The following EYS variants were observed in gnomAD, a reference collection of about 807,000 sequenced individuals.
EYS encodes EGF-like photoreceptor maintenance factor.
In EYS, 250 loss-of-function variants were observed where a neutral mutation model predicts 282.1. The ratio of observed to expected loss-of-function variants is 0.89; its 90% confidence interval spans 0.80 to 0.98. EYS has a LOEUF of 0.98. Among genes scored for constraint, EYS ranks in the 50% least tolerant of loss-of-function variants. The probability of loss-of-function intolerance (pLI) is 0.00; values close to 1 mark genes in which losing one functional copy is unlikely to be tolerated. For missense variants in EYS, 4,016 were observed against 3,709.0 expected, an observed-to-expected ratio of 1.08 and a Z score of -2.15; for synonymous variants, 1,355 against 1,282.9, an observed-to-expected ratio of 1.06 and a Z score of -1.20.
rs1305678175 is a variant in EYS, at chr6:65,511,977, T to C, written c.-332-15984A>G. On this transcript the variant is annotated intron_variant, in intron 2 of 42. Coordinates refer to ENST00000503581, the MANE Select transcript of EYS (RefSeq NM_001142800.2). ...TCCAGCCTGGGTGATGCAGCAAAAC[T>C]CTGTCTCAAAAAAAAAAAAAAAAAA... Among the ~76,000 whole-genome samples the C allele has an allele frequency of 5.5e-3, 491 of 88,936 alleles. 4 individuals are homozygous for C. Among genetic ancestry groups the C allele is most frequent in the African/African-American group, 0.022 (466 of 20,776 alleles). The allele number at this position is 88,936 out of a possible 152,430, so 58.3% of individuals were successfully genotyped here. A position where few individuals can be genotyped will look rare whatever the true frequency, so the allele number is the denominator to read the frequency against.
chr6:63,864,922 G>A (rs986984009), intron 35 of EYS, among the ~76,000 whole-genome samples: 4 of 152,190 alleles, frequency 2.6e-5, no homozygotes, highest in Admixed American at 6.5e-5. Context: ...GCAGAGCTCA[G>A]GAAAAATACT....
intron 29 of EYS, among the ~76,000 whole-genome samples, chr6:64,354,222 A>G (rs1471186279): frequency 6.6e-6 from 1 of 151,642 alleles, no homozygotes; most frequent in Non-Finnish European, 1.5e-5. Flanking sequence ...ACAATTACAT[A>G]ATCTTTTCTG....
rs200244674 is a variant in EYS, at chr6:64,587,049, AATTT to A, written c.5644+3170_5644+3173del. Among the ~76,000 whole-genome samples, 3 of 152,224 alleles carry A rather than the reference AATTT, an allele frequency of 2.0e-5. No homozygotes were observed. The East Asian group carries it at 5.8e-4, about 29-fold the overall frequency. On this transcript the variant is annotated intron_variant, in intron 26 of 42. Coordinates refer to ENST00000503581, the MANE Select transcript of EYS (RefSeq NM_001142800.2). ...ACGTCAGAGAAAAGGACTTTGATTCAATTTAATAGAGCTGTCACCGTAATACAGG... is the reference window on the plus strand; with the variant it reads ...ACGTCAGAGAAAAGGACTTTGATTCAAATAGAGCTGTCACCGTAATACAGG...
At chr6:64,164,760 T>C (rs1439131429) in intron 31 of EYS, among the ~76,000 whole-genome samples, 1 of 152,154 alleles carries the variant, frequency 6.6e-6, no homozygotes, top group Non-Finnish European at 1.5e-5. Flanking sequence ...ACAATATATT[T>C]TGATTTGCTG....
chr6:64,401,682 C>T (rs1306995974), intron 28 of EYS, among the ~76,000 whole-genome samples: 3 of 151,830 alleles, frequency 2.0e-5, no homozygotes, highest in Admixed American at 2.0e-4. Context: ...ACTTATTAAA[C>T]TGCAACTACA....
chr6:65,355,407 C>T (rs575919554), intron 8 of EYS, among the ~76,000 whole-genome samples: 8 of 81,534 alleles, frequency 9.8e-5, no homozygotes, highest in Admixed American at 6.4e-4. Context: ...TGGACACTGG[C>T]CTAGGAAGAG....
chr6:64,940,029 T>C (rs1769037114), intron 15 of EYS, among the ~76,000 whole-genome samples: 1 of 152,034 alleles, frequency 6.6e-6, no homozygotes, highest in African/African-American at 2.4e-5. Flanking sequence ...GGCTTTCACT[T>C]CTTTCTTGTC....
intron 5 of EYS, among the ~76,000 whole-genome samples, chr6:65,414,985 A>C (rs1424749262): frequency 6.6e-6 from 1 of 152,136 alleles, no homozygotes; most frequent in Non-Finnish European, 1.5e-5. Flanking sequence ...AAGAAAGAAC[A>C]ACCAAGGAAG....
At chr6:64,948,450 A>G (rs913888098) in intron 14 of EYS, among the ~76,000 whole-genome samples, 17 of 147,356 alleles carry the variant, frequency 1.2e-4, no homozygotes, top group African/African-American at 3.2e-4. Context: ...TAAATATTGT[A>G]TTTAATATTA....
At chr6:65,572,854 C>T (rs886821985) in intron 2 of EYS, among the ~76,000 whole-genome samples, 54 of 152,092 alleles carry the variant, frequency 3.6e-4, no homozygotes, top group African/African-American at 1.1e-3. Context: ...GCAAAAAAAC[C>T]ATGATTAAGC....
At chr6:64,048,359 T>G (rs1007996767) in intron 33 of EYS, among the ~76,000 whole-genome samples, 6 of 152,038 alleles carry the variant, frequency 3.9e-5, no homozygotes, top group African/African-American at 1.5e-4. Flanking sequence ...AACTTTCCAT[T>G]CAGTTGTTTC....
rs186157236 is a variant in EYS, at chr6:64,815,897, C to A, written c.3244-2320G>T. Among the ~76,000 whole-genome samples, 15 of 152,076 alleles carry A rather than the reference C, an allele frequency of 9.9e-5. No individual in the cohort carries two copies. In the East Asian group the frequency reaches 2.5e-3, roughly 26 times the overall value. On this transcript the variant is annotated intron_variant, in intron 21 of 42. Transcript: ENST00000503581. Reference sequence around the variant, plus strand: ...TTCATTGTGAAATTCTTAGACAGGGCAAAGTACATACTGGGCTAGTAAATG... The same window carrying A: ...TTCATTGTGAAATTCTTAGACAGGGAAAAGTACATACTGGGCTAGTAAATG...
intron 13 of EYS, among the ~76,000 whole-genome samples, chr6:65,039,945 G>T (rs1438145233): frequency 6.6e-6 from 1 of 151,652 alleles, no homozygotes; most frequent in Non-Finnish European, 1.5e-5. Flanking sequence ...ACTCTGAAAT[G>T]TTTGCACGAT....
At chr6:64,782,719 G>A (rs1562189143) in intron 22 of EYS, among the ~76,000 whole-genome samples, 2 of 152,108 alleles carry the variant, frequency 1.3e-5, no homozygotes, top group African/African-American at 2.4e-5. Flanking sequence ...ATCTCAAGAT[G>A]AAATAAATGT....
chr6:65,264,926 T>G (rs901843187), intron 12 of EYS, among the ~76,000 whole-genome samples: 1 of 151,852 alleles, frequency 6.6e-6, no homozygotes, highest in African/African-American at 2.4e-5. Flanking sequence ...TAATTTATTT[T>G]GATATTATTT....
intron 12 of EYS, among the ~76,000 whole-genome samples, chr6:65,172,515 T>G (rs1348280720): frequency 2.0e-5 from 3 of 151,366 alleles, no homozygotes; most frequent in Non-Finnish European, 4.4e-5. Flanking sequence ...TATGTTTAAT[T>G]TATTGAATAT....
chr6:64,876,929 G>C (rs1215859088), intron 19 of EYS, among the ~76,000 whole-genome samples: 1 of 152,074 alleles, frequency 6.6e-6, no homozygotes, highest in Admixed American at 6.6e-5. Flanking sequence ...GGAAGATTTT[G>C]AACATGGGAG....
rs9363312 is a variant in EYS at position 64,997,839 on chromosome 6, C to T, written c.2138-136G>A. The T allele has an allele frequency of 0.076, 52,146 of 689,906 alleles. 2,313 individuals carry two copies. Among genetic ancestry groups the T allele is most frequent in the East Asian group, 0.096 (3,123 of 32,696 alleles). 42.7% of individuals were successfully genotyped at this position (689,906 alleles called of 1,614,324 possible). Reference sequence around the variant, plus strand: ...TAAAGTAAGAATTATTATATTTAATCGATTACATAGTCATCTACAATATTT... The same window carrying T: ...TAAAGTAAGAATTATTATATTTAATTGATTACATAGTCATCTACAATATTT... On this transcript the variant is annotated intron_variant, in intron 13 of 42. Coordinates refer to ENST00000503581, the MANE Select transcript of EYS (RefSeq NM_001142800.2).
At chr6:63,872,843 C>A (rs543471265) in intron 35 of EYS, among the ~76,000 whole-genome samples, 52 of 151,876 alleles carry the variant, frequency 3.4e-4, no homozygotes, top group Non-Finnish European at 3.2e-4. Context: ...GATAATAAAT[C>A]TTCATATTAA....
Sources: gnomAD v4.1 joint callset for allele counts (sites outside exome capture counted in the v4.1 genomes callset) on GRCh38, gnomAD v4.1.1 for gene constraint, MANE v1.5 for transcripts, NCBI Gene and HGNC (gene_info 2026-07-23, HGNC 2026-07-21) for gene names.